The following DNAH5 variants were observed in gnomAD, a reference collection of about 807,000 sequenced individuals.
DNAH5 encodes axonemal beta dynein heavy chain 5.
A neutral mutation model predicts 518.2 loss-of-function variants in DNAH5; 372 were observed. The observed-to-expected ratio is 0.72, with a 90% confidence interval of 0.66 to 0.78. The LOEUF is 0.78. Among genes scored for constraint, DNAH5 ranks in the 30% least tolerant of loss-of-function variants. The pLI, the probability that DNAH5 is intolerant of heterozygous loss-of-function variation, is 0.00. For missense variants in DNAH5, 5,523 were observed against 5,687.0 expected (o/e 0.97, Z 0.93); for synonymous variants, 2,039 against 2,025.9 (o/e 1.01, Z -0.17).
Position 13,883,088 on chromosome 5 carries a change from T to C in DNAH5, c.2990A>G (p.Asn997Ser). The C allele has an allele frequency of 1.2e-6, 2 of 1,613,924 alleles. No individual in the cohort carries two copies. The change falls in exon 20 of 79, where the codon AAC (asparagine) becomes AGC (serine). Residue 997 changes from asparagine (N) to serine (S), a missense_variant. Transcript: ENST00000265104. ...GTTCTGCTTCATGTTAGAGGCACTG[T>C]TACTGTCTGAGTTAACCCAAAACAA... ...SSHTINFRDS[N>S]SASNMKQNSL...
intron 29 of DNAH5, among the ~76,000 whole-genome samples, chr5:13,860,865 T>C (rs757615752): frequency 8.5e-5 from 13 of 152,344 alleles, no homozygotes; most frequent in Non-Finnish European, 1.3e-4. Flanking sequence ...CTACATAATA[T>C]GGACTTGAAG....
At chr5:13,814,542 C>G (rs1229026177) in intron 43 of DNAH5, 63 bp downstream of exon 43, 2 of 1,574,838 alleles carry the variant, frequency 1.3e-6, no homozygotes, top group Non-Finnish European at 1.7e-6. Context: ...GGCACACACA[C>G]TAAAAGAATG....
intron 12 of DNAH5, among the ~76,000 whole-genome samples, chr5:13,910,755 C>G (rs1418350223): frequency 6.6e-6 from 1 of 152,212 alleles, no homozygotes; most frequent in Non-Finnish European, 1.5e-5. Context: ...CAGTACTAGG[C>G]ACCTCACCAG....
At chr5:13,938,740 C>T (rs577864830) in intron 1 of DNAH5, among the ~76,000 whole-genome samples, 2 of 152,184 alleles carry the variant, frequency 1.3e-5, no homozygotes, top group African/African-American at 4.8e-5. Context: ...ACATCCATGA[C>T]TGATTTCCCT....
intron 65 of DNAH5, among the ~76,000 whole-genome samples, chr5:13,740,497 C>T (rs975284129): frequency 2.0e-5 from 3 of 152,132 alleles, no homozygotes; most frequent in African/African-American, 4.8e-5. Flanking sequence ...TTTGCTCTAG[C>T]CACGTTTGCT....
chr5:13,794,094 A>G, intron 47 of DNAH5, 36 bp from the exon 48 acceptor site: 1 of 1,613,892 alleles, frequency 6.2e-7, no homozygotes, highest in Non-Finnish European at 8.5e-7. Context: ...ATCTGTGAAA[A>G]TATCCCCTAA....
chr5:13,737,302 G>A lies in DNAH5; in HGVS notation c.11405C>T (p.Ser3802Phe), dbSNP rs1747649181. Residue 3802 changes from serine (S) to phenylalanine (F), a missense_variant, in exon 66 of 79, where the codon TCT becomes TTT. Ser to Phe is a radical substitution (Grantham distance 155). This residue lies in a region of DNAH5 where 5,121 missense variants were observed against 5,223.3 expected (regional missense o/e 0.98). Coordinates refer to ENST00000265104, the MANE Select transcript of DNAH5 (RefSeq NM_001369.3). ...AEEVTQKLEI[S>F]AETEVQINSA... ...GTTAATTTGAACTTCTGTCTCAGCA[G>A]AAATTTCTAGCTTCTGTGTCACCTC... 2 of 1,614,112 alleles carry A rather than the reference G, an allele frequency of 1.2e-6. No homozygotes were observed. The highest frequency in any genetic ancestry group is 1.7e-6 in the Non-Finnish European group (2 of 1,179,990).
In DNAH5 at chr5:13,795,261, G is replaced by C. The variant is rs7721829; in HGVS notation, c.7888-1203C>G. ...CCTTCAGAAATCAATGAATCTAGGA[G>C]CTGGTTTTTTGAAAAGATCAACAAA... On this transcript the variant is annotated intron_variant, in intron 47 of 78. Coordinates refer to ENST00000265104, the MANE Select transcript of DNAH5 (RefSeq NM_001369.3). 3.0e-3 allele frequency among the ~76,000 whole-genome samples: 450 copies of C among 152,214 alleles called. 3 individuals are homozygous for C. The highest frequency in any genetic ancestry group is 0.01 in the African/African-American group (434 of 41,542).
Position 13,752,225 on chromosome 5 carries a change from G to T in DNAH5, c.10937C>A (p.Pro3646His), listed in dbSNP as rs1013623560. Residue 3646 changes from proline to histidine, a missense_variant, in exon 64 of 79, where the codon CCT becomes CAT. This residue lies in a region of DNAH5 where 5,121 missense variants were observed against 5,223.3 expected (regional missense o/e 0.98). Transcript: ENST00000265104. Reference protein sequence around the residue: ...HLEDSLSLGRPLLIEDVGEEL... With the variant: ...HLEDSLSLGRHLLIEDVGEEL... ...CTCTCCAACATCTTCAATAAGCAAA[G>T]GCCTTCCAAGAGAAAGGCTGTCTTC... 1.2e-6 allele frequency: 2 copies of T among 1,613,832 alleles called. No individual in the cohort carries two copies. The highest frequency in any genetic ancestry group is 1.7e-6 in the Non-Finnish European group (2 of 1,179,920).
At chr5:13,708,100 A>T in intron 76 of DNAH5, 23 bp downstream of exon 76, 1 of 1,611,690 alleles carries the variant, frequency 6.2e-7, no homozygotes, top group Non-Finnish European at 8.5e-7. Context: ...GAACAGGCAG[A>T]ATAACAGCAG....
chr5:13,817,756 C>T, intron 41 of DNAH5, 62 bp from the exon 42 acceptor site: 3 of 1,539,240 alleles, frequency 1.9e-6, no homozygotes, highest in Non-Finnish European at 2.7e-6. Context: ...CATTAAGCAA[C>T]ATTGCACTAA....
intron 3 of DNAH5, among the ~76,000 whole-genome samples, chr5:13,923,771 C>T (rs917265173): frequency 1.3e-5 from 2 of 152,118 alleles, no homozygotes; most frequent in Non-Finnish European, 2.9e-5. Flanking sequence ...CGGCTGGGTG[C>T]GGTGGCTCAC....
chr5:13,788,158 G>T (rs533145026), intron 51 of DNAH5, among the ~76,000 whole-genome samples: 3 of 152,142 alleles, frequency 2.0e-5, no homozygotes, highest in African/African-American at 7.2e-5. Flanking sequence ...TACATTTAAT[G>T]ACCCTCTCAT....
At chr5:13,899,978 G>C in intron 15 of DNAH5, 1 of 553,386 alleles carries the variant, frequency 1.8e-6, no homozygotes, top group Non-Finnish European at 3.2e-6. Context: ...TCCTCCAATG[G>C]TTTCCTGGTA....
Position 13,824,282 on chromosome 5 carries a change from C to T in DNAH5, c.6496G>A (p.Gly2166Arg), listed in dbSNP as rs1302751660. The T allele has an allele frequency of 6.2e-7, 1 of 1,613,936 alleles. No individual in the cohort carries two copies. Among genetic ancestry groups the T allele is most frequent in the Non-Finnish European group, 8.5e-7 (1 of 1,179,994 alleles). The change falls in exon 39 of 79, where the codon GGA (glycine) becomes AGA (arginine). Residue 2166 changes from glycine to arginine, a missense_variant. Gly to Arg is a moderately radical substitution (Grantham distance 125). This residue lies in a region of DNAH5 where 5,121 missense variants were observed against 5,223.3 expected (regional missense o/e 0.98). Coordinates refer to ENST00000265104, the MANE Select transcript of DNAH5 (RefSeq NM_001369.3). ...RNILSVLRTLGAAKRANPMDT... is the reference protein window; with the variant it reads ...RNILSVLRTLRAAKRANPMDT... ...ATTGGATTGGCTCTTTTTGCTGCTC[C>T]CAAGGTCCGAAGAACTGACAGAATG...
intron 56 of DNAH5, among the ~76,000 whole-genome samples, chr5:13,770,311 C>T (rs1753158186): frequency 6.6e-6 from 1 of 152,120 alleles, no homozygotes; most frequent in African/African-American, 2.4e-5. Context: ...CTCAGTCACT[C>T]AGAAGGGATG....
chr5:13,821,295 C>T (rs1389712550), intron 40 of DNAH5, among the ~76,000 whole-genome samples: 2 of 152,146 alleles, frequency 1.3e-5, no homozygotes, highest in Non-Finnish European at 1.5e-5. Context: ...GTAATACTTA[C>T]AACTAGAAAA....
At chr5:13,808,712 C>A (rs1391987608) in intron 46 of DNAH5, among the ~76,000 whole-genome samples, 3 of 151,248 alleles carry the variant, frequency 2.0e-5, no homozygotes, top group Admixed American at 6.6e-5. Flanking sequence ...GTAATCCCAG[C>A]ACTTTGGGAG....
chr5:13,784,244 T>C (rs566724980), intron 52 of DNAH5, among the ~76,000 whole-genome samples: 238 of 152,346 alleles, frequency 1.6e-3, no homozygotes, highest in African/African-American at 5.5e-3. Context: ...GTAATACTCA[T>C]TTGGAAAATA....
Sources: gnomAD v4.1 joint callset for allele counts (sites outside exome capture counted in the v4.1 genomes callset) on GRCh38, gnomAD v4.1.1 for gene constraint, gnomAD v4.1.1 regional missense constraint, MANE v1.5 for transcripts, NCBI Gene and HGNC (gene_info 2026-07-23, HGNC 2026-07-21) for gene names.